Variants in SPMAP1 observed in about 807,000 individuals in gnomAD.
The protein encoded by SPMAP1 is uncharacterized protein C17orf98.
the SPMAP1 span, chr17:38,841,336 G>A: frequency 2.5e-6 from 4 of 1,614,152 alleles, no homozygotes; most frequent in Admixed American, 6.7e-5. Context: ...CAGCCACCCC[G>A]TCCAAGATAA....
the SPMAP1 span, among the ~76,000 whole-genome samples, chr17:38,837,962 C>T: frequency 6.6e-6 from 1 of 152,156 alleles, no homozygotes; most frequent in Non-Finnish European, 1.5e-5. Context: ...CATCTCGGCT[C>T]ACTGCAACCT....
At chr17:38,835,141 ATT>A in the SPMAP1 span, 1 of 1,587,934 alleles carries the variant, frequency 6.3e-7, no homozygotes. Context: ...TCATCTAAAC[ATT>A]TGTCTTAGAA....
At chr17:38,841,035 T>C in the SPMAP1 span, 541,015 of 579,028 alleles carry the variant, frequency 0.93, 252,918 homozygotes, top group East Asian at 1. Flanking sequence ...GAGCGAGACT[T>C]TGTCTCAAAA....
chr17:38,841,240 G>T, the SPMAP1 span: 4 of 1,614,068 alleles, frequency 2.5e-6, no homozygotes, highest in African/African-American at 1.3e-5. Flanking sequence ...AGCTGCGGGC[G>T]TGGTAGTCCT....
chr17:38,837,296 G>C, the SPMAP1 span: 4 of 1,215,386 alleles, frequency 3.3e-6, no homozygotes, highest in Non-Finnish European at 4.9e-6. Flanking sequence ...ATGCTGAGGG[G>C]GACACAGTGC....
chr17:38,835,496 G>C, the SPMAP1 span: 8 of 826,314 alleles, frequency 9.7e-6, no homozygotes, highest in Admixed American at 2.0e-4. Context: ...CTGAGACTCT[G>C]GGCTGAAAAG....
chr17:38,836,365 C>T, the SPMAP1 span, among the ~76,000 whole-genome samples: 1 of 152,044 alleles, frequency 6.6e-6, no homozygotes, highest in Admixed American at 6.6e-5. Flanking sequence ...CTTTGGGAGG[C>T]TGAGGCCAGA....
chr17:38,841,248 C>T, the SPMAP1 span: 3 of 1,614,030 alleles, frequency 1.9e-6, no homozygotes, highest in African/African-American at 1.3e-5. Context: ...GCGTGGTAGT[C>T]CTGCTGCGCG....
the SPMAP1 span, among the ~76,000 whole-genome samples, chr17:38,839,085 CAAAA>C: frequency 1.6e-4 from 10 of 63,896 alleles, no homozygotes; most frequent in Non-Finnish European, 2.8e-4. Flanking sequence ...GACTCTGTCT[CAAAA>C]AAAAAAAAAA....
At chr17:38,840,879 G>A in the SPMAP1 span, among the ~76,000 whole-genome samples, 2 of 151,534 alleles carry the variant, frequency 1.3e-5, no homozygotes, top group Non-Finnish European at 2.9e-5. Flanking sequence ...GTGGTGGCGC[G>A]CCTGTAACCC....
At chr17:38,837,092 G>T in the SPMAP1 span, 1 of 1,331,210 alleles carries the variant, frequency 7.5e-7, no homozygotes, top group Non-Finnish European at 1.1e-6. Flanking sequence ...ACCAGGCCTT[G>T]CTATGGCCCA....
At chr17:38,836,528 A>G in the SPMAP1 span, among the ~76,000 whole-genome samples, 10,397 of 149,932 alleles carry the variant, frequency 0.069, 714 homozygotes, top group East Asian at 0.37. Flanking sequence ...CAAGCCCAGG[A>G]GGTCAAGACT....
chr17:38,836,355 C>T, the SPMAP1 span, among the ~76,000 whole-genome samples: 2 of 152,054 alleles, frequency 1.3e-5, no homozygotes, highest in African/African-American at 2.4e-5. Flanking sequence ...AATGCCAGCA[C>T]TTTGGGAGGC....
the SPMAP1 span, among the ~76,000 whole-genome samples, chr17:38,836,585 C>CTTTT: frequency 9.2e-4 from 54 of 58,390 alleles, no homozygotes; most frequent in Non-Finnish European, 1.6e-3. Context: ...TTCTTTCTTT[C>CTTTT]TTTTTTTTTT....
chr17:38,840,843 A>G, the SPMAP1 span, among the ~76,000 whole-genome samples: 1 of 151,260 alleles, frequency 6.6e-6, no homozygotes, highest in African/African-American at 2.4e-5. Flanking sequence ...CCCCGTCTCT[A>G]CCAAAAATAT....
At chr17:38,839,778 C>T in the SPMAP1 span, among the ~76,000 whole-genome samples, 5 of 151,398 alleles carry the variant, frequency 3.3e-5, no homozygotes, top group South Asian at 2.1e-4. Flanking sequence ...CCAGCCTGGG[C>T]GACAGAGCGA....
At chr17:38,836,102 G>C in the SPMAP1 span, among the ~76,000 whole-genome samples, 1 of 151,892 alleles carries the variant, frequency 6.6e-6, no homozygotes, top group Non-Finnish European at 1.5e-5. Flanking sequence ...TTTTAGTAGA[G>C]ACGGGGTTTC....
chr17:38,839,185 C>T, the SPMAP1 span, among the ~76,000 whole-genome samples: 2 of 151,662 alleles, frequency 1.3e-5, no homozygotes, highest in South Asian at 4.2e-4. Flanking sequence ...TTCCTTTTCC[C>T]CTCCCCAGAC....
At chr17:38,837,009 G>A in the SPMAP1 span, 6 of 698,600 alleles carry the variant, frequency 8.6e-6, no homozygotes, top group Non-Finnish European at 1.6e-5. Context: ...ATATTAGGGG[G>A]CACTGTGGCA....
Sources: allele counts gnomAD v4.1 joint callset (sites outside exome capture counted in the v4.1 genomes callset), GRCh38; gene constraint gnomAD v4.1.1; transcripts MANE v1.5; gene names NCBI Gene and HGNC (gene_info 2026-07-23, HGNC 2026-07-21).